The following HERPUD2 variants were observed in gnomAD, a reference collection of about 807,000 sequenced individuals.
HERPUD2 encodes the protein HERPUD family member 2, also known as homocysteine-responsive endoplasmic reticulum-resident ubiquitin-like domain member 2 protein.
HERPUD2 carries 13 observed loss-of-function variants against 49.9 expected under a neutral mutation model. The ratio of observed to expected loss-of-function variants is 0.26; its 90% CI spans 0.17 to 0.41. The LOEUF is 0.41. HERPUD2 is among the 10% of genes least tolerant of loss of function. The pLI is 1.00. For synonymous variants in HERPUD2, 172 were observed against 171.4 expected, an observed-to-expected ratio of 1.00 and a Z score of -0.03; for missense variants, 449 against 492.2, an observed-to-expected ratio of 0.91 and a Z score of 0.83.
At chr7:35,645,239 A>G (rs1474585853) in intron 5 of HERPUD2, among the ~76,000 whole-genome samples, 2 of 152,226 alleles carry the variant, frequency 1.3e-5, no homozygotes, top group African/African-American at 4.8e-5. Context: ...AATATCCATC[A>G]GCAGGGACTG....
At chr7:35,691,402 T>A (rs1786183916) in intron 2 of HERPUD2, among the ~76,000 whole-genome samples, 1 of 152,114 alleles carries the variant, frequency 6.6e-6, no homozygotes, top group South Asian at 2.1e-4. Flanking sequence ...AAATTTCCAT[T>A]CTTTCCCCTC....
At chr7:35,675,318 A>T (rs1214884419) in intron 2 of HERPUD2, among the ~76,000 whole-genome samples, 1 of 152,234 alleles carries the variant, frequency 6.6e-6, no homozygotes, top group South Asian at 2.1e-4. Flanking sequence ...GTTTTTTCCT[A>T]TATCCATATA....
intron 2 of HERPUD2, among the ~76,000 whole-genome samples, chr7:35,680,202 T>C (rs1785850227): frequency 6.6e-6 from 1 of 151,748 alleles, no homozygotes; most frequent in Non-Finnish European, 1.5e-5. Context: ...AGCCCAGGAG[T>C]TCAAGACCAG....
At chr7:35,661,001 T>C (rs1344221701) in intron 5 of HERPUD2, among the ~76,000 whole-genome samples, 2 of 152,248 alleles carry the variant, frequency 1.3e-5, no homozygotes, top group Non-Finnish European at 2.9e-5. Context: ...CTTGGGTTTT[T>C]ATGGTTTTAG....
intron 5 of HERPUD2, among the ~76,000 whole-genome samples, chr7:35,647,567 C>G (rs1275640737): frequency 2.6e-5 from 4 of 152,096 alleles, no homozygotes; most frequent in Non-Finnish European, 5.9e-5. Context: ...ACGGGTAGAT[C>G]TGACCAGAAA....
chr7:35,651,643 A>T (rs1240511291), intron 5 of HERPUD2, among the ~76,000 whole-genome samples: 1 of 152,204 alleles, frequency 6.6e-6, no homozygotes, highest in Non-Finnish European at 1.5e-5. Flanking sequence ...CCACATGCAC[A>T]GATATCAACA....
At chr7:35,689,605 A>T (rs1178326588) in intron 2 of HERPUD2, among the ~76,000 whole-genome samples, 2 of 152,234 alleles carry the variant, frequency 1.3e-5, no homozygotes, top group South Asian at 4.1e-4. Context: ...ATCTCACAAC[A>T]GAACCTATAT....
At chr7:35,677,367 T>C (rs1785786217) in intron 2 of HERPUD2, among the ~76,000 whole-genome samples, 1 of 152,230 alleles carries the variant, frequency 6.6e-6, no homozygotes, top group South Asian at 2.1e-4. Context: ...AGTTTGTTAA[T>C]GGATATTTGA....
At chr7:35,678,057 T>G (rs1350454233) in intron 2 of HERPUD2, among the ~76,000 whole-genome samples, 1 of 152,150 alleles carries the variant, frequency 6.6e-6, no homozygotes, top group Non-Finnish European at 1.5e-5. Context: ...CAGGTGCAAA[T>G]TTCTAGTACC....
chr7:35,673,141 A>G lies in HERPUD2; in HGVS notation c.225+60T>C. On this transcript the variant is annotated intron_variant, in intron 3 of 8. Transcript: ENST00000311350. ...CTGAACTGGTTGAATAAAATTTCAGAACATATCTCCTCTCACATTCTGAAT... is the reference window on the plus strand; with the variant it reads ...CTGAACTGGTTGAATAAAATTTCAGGACATATCTCCTCTCACATTCTGAAT... 3 of 1,299,944 alleles carry G rather than the reference A, an allele frequency of 2.3e-6. No individual in the cohort carries two copies. The East Asian group carries it at 7.0e-5, about 30-fold the overall frequency. The allele number at this position is 1,299,944 out of a possible 1,614,324, so 80.5% of individuals were successfully genotyped here.
chr7:35,685,485 A>G (rs1469027788), intron 2 of HERPUD2, among the ~76,000 whole-genome samples: 2 of 151,400 alleles, frequency 1.3e-5, no homozygotes, highest in Admixed American at 1.3e-4. Flanking sequence ...CACTATGCCC[A>G]GCTAATTTTT....
intron 2 of HERPUD2, among the ~76,000 whole-genome samples, chr7:35,687,012 A>T (rs1786078429): frequency 6.6e-6 from 1 of 151,950 alleles, no homozygotes. Flanking sequence ...GTGAGCTGAG[A>T]TCACGCCACT....
At chr7:35,667,191 G>C (rs983138273) in intron 5 of HERPUD2, among the ~76,000 whole-genome samples, 1 of 152,146 alleles carries the variant, frequency 6.6e-6, no homozygotes, top group Non-Finnish European at 1.5e-5. Context: ...AGCTCAACAA[G>C]GTCTCCCGGT....
chr7:35,686,481 C>T (rs1201319599), intron 2 of HERPUD2, among the ~76,000 whole-genome samples: 1 of 150,466 alleles, frequency 6.6e-6, no homozygotes, highest in African/African-American at 2.4e-5. Context: ...GCGCAGCGCC[C>T]GGCCTAACAT....
chr7:35,681,540 ATTC>A (rs1785891668), intron 2 of HERPUD2, among the ~76,000 whole-genome samples: 1 of 152,238 alleles, frequency 6.6e-6, no homozygotes, highest in African/African-American at 2.4e-5. Flanking sequence ...TAGCATAATT[ATTC>A]TTAATAGTCA....
At chr7:35,683,566 T>C (rs186907973) in intron 2 of HERPUD2, among the ~76,000 whole-genome samples, 4 of 152,284 alleles carry the variant, frequency 2.6e-5, no homozygotes, top group Admixed American at 2.0e-4. Flanking sequence ...CAAAGATAAA[T>C]TGCTGGGACT....
In HERPUD2 at chr7:35,638,405, G is replaced by A. The variant is rs775361294; in HGVS notation, c.562C>T (p.Pro188Ser). 13 of 1,613,590 alleles carry A rather than the reference G, an allele frequency of 8.1e-6. No individual in the cohort carries two copies. The highest frequency in any genetic ancestry group is 2.7e-5 in the African/African-American group (2 of 75,048). ...TGTTGCCACCATAGCATCTGCAGTG[G>A]GCTAAACGCGGGATACACTGGGAAT... ...PGFPVYPAFS[P>S]LQMLWWQQMY... The change falls in exon 6 of 9, where the codon CCA becomes TCA. Residue 188 changes from proline to serine, a missense_variant. Physicochemically the swap from Pro to Ser is moderately conservative, Grantham distance 74 (BLOSUM62 -1). Coordinates refer to ENST00000311350, the MANE Select transcript of HERPUD2 (RefSeq NM_022373.5).
chr7:35,634,983 T>G (rs2115816123), intron 7 of HERPUD2, 152 bp downstream of exon 7: 1 of 607,448 alleles, frequency 1.6e-6, no homozygotes. Context: ...AACAAAACCT[T>G]CCCTTGCTTT....
At chr7:35,681,104 T>C (rs1463385749) in intron 2 of HERPUD2, among the ~76,000 whole-genome samples, 1 of 152,232 alleles carries the variant, frequency 6.6e-6, no homozygotes, top group African/African-American at 2.4e-5. Context: ...ATTTATCTGA[T>C]TCACTTCTAC....
Sources: allele counts gnomAD v4.1 joint callset (sites outside exome capture counted in the v4.1 genomes callset), GRCh38; gene constraint gnomAD v4.1.1; transcripts MANE v1.5; gene names NCBI Gene and HGNC (gene_info 2026-07-23, HGNC 2026-07-21).